The following SENP7 variants were observed in gnomAD, a reference collection of about 807,000 sequenced individuals.
SENP7 encodes the protein sentrin-specific protease 7.
In SENP7, 64 loss-of-function variants were observed where a neutral mutation model predicts 141.2. The ratio of observed to expected loss-of-function variants is 0.45; its 90% CI spans 0.37 to 0.56. SENP7 has a LOEUF of 0.56. Ranked by LOEUF, SENP7 falls within the 20% of genes least tolerant of loss-of-function variation. The pLI is 0.00. For synonymous variants in SENP7, 382 were observed against 426.4 expected, an observed-to-expected ratio of 0.90 and a Z score of 1.28; for missense variants, 1,025 against 1,212.2, an observed-to-expected ratio of 0.85 and a Z score of 2.29.
intron 2 of SENP7, among the ~76,000 whole-genome samples, chr3:101,495,136 G>A (rs2065113172): frequency 6.6e-6 from 1 of 151,946 alleles, no homozygotes. Context: ...AGTTCTTAAA[G>A]GAAGACACAC....
At chr3:101,353,148 C>T (rs549542647) in intron 11 of SENP7, among the ~76,000 whole-genome samples, 7 of 152,026 alleles carry the variant, frequency 4.6e-5, no homozygotes, top group Admixed American at 2.6e-4. Context: ...CATATAACTG[C>T]CACCATATTT....
chr3:101,401,528 C>CAAA (rs60381137), intron 5 of SENP7, among the ~76,000 whole-genome samples: 5 of 130,334 alleles, frequency 3.8e-5, no homozygotes, highest in South Asian at 2.4e-4. Context: ...CACTCCATCT[C>CAAA]AAAAAAAAAA....
chr3:101,471,497 T>G (rs2063993595), intron 3 of SENP7, among the ~76,000 whole-genome samples: 1 of 152,108 alleles, frequency 6.6e-6, no homozygotes, highest in African/African-American at 2.4e-5. Context: ...ATACAAAAAT[T>G]AATTCAAGAC....
At chr3:101,368,697 G>A (rs559821974) in intron 7 of SENP7, among the ~76,000 whole-genome samples, 89 of 152,056 alleles carry the variant, frequency 5.9e-4, no homozygotes, top group East Asian at 2.1e-3. Flanking sequence ...TAACCTGCAC[G>A]TTGTGCACAC....
At chr3:101,467,369 G>C (rs746607275) in intron 3 of SENP7, among the ~76,000 whole-genome samples, 2 of 152,268 alleles carry the variant, frequency 1.3e-5, no homozygotes, top group Non-Finnish European at 2.9e-5. Flanking sequence ...AGAACAGACA[G>C]ACTGCCTCCT....
intron 3 of SENP7, among the ~76,000 whole-genome samples, chr3:101,462,471 G>A (rs1441604886): frequency 6.6e-6 from 1 of 151,784 alleles, no homozygotes; most frequent in Non-Finnish European, 1.5e-5. Context: ...AACCCAGGAG[G>A]TGGAGGCTGG....
chr3:101,392,043 A>G (rs1248248912), intron 6 of SENP7, among the ~76,000 whole-genome samples: 1 of 152,226 alleles, frequency 6.6e-6, no homozygotes, highest in Non-Finnish European at 1.5e-5. Flanking sequence ...AACCCTCAAA[A>G]TAATAGGCAC....
At chr3:101,481,453 G>A (rs1325628860) in intron 3 of SENP7, among the ~76,000 whole-genome samples, 1 of 152,178 alleles carries the variant, frequency 6.6e-6, no homozygotes. Context: ...CATGAAGGTA[G>A]AGGGTAGAAT....
intron 3 of SENP7, among the ~76,000 whole-genome samples, chr3:101,463,376 T>TATATATATATATATAC (rs1559864929): frequency 4.7e-4 from 40 of 85,252 alleles, no homozygotes; most frequent in South Asian, 7.2e-4. Flanking sequence ...TATATATATA[T>TATATATATATATATAC]ATATATATAT....
At chr3:101,447,319 G>A (rs922845195) in intron 4 of SENP7, among the ~76,000 whole-genome samples, 12 of 151,990 alleles carry the variant, frequency 7.9e-5, no homozygotes, top group South Asian at 4.2e-4. Flanking sequence ...GGCATGCACC[G>A]GTGGTCCCAG....
At chr3:101,506,004 A>C (rs1270097054) in intron 1 of SENP7, among the ~76,000 whole-genome samples, 1 of 149,492 alleles carries the variant, frequency 6.7e-6, no homozygotes, top group Non-Finnish European at 1.5e-5. Context: ...CCACTCATTC[A>C]CTTATTTATT....
chr3:101,330,059 G>A (rs1210559043), intron 20 of SENP7, among the ~76,000 whole-genome samples: 3 of 151,654 alleles, frequency 2.0e-5, no homozygotes, highest in African/African-American at 7.3e-5. Context: ...ATAAATAAAA[G>A]TGAATCTGAT....
At chr3:101,479,359 T>C (rs539203335) in intron 3 of SENP7, among the ~76,000 whole-genome samples, 1 of 152,290 alleles carries the variant, frequency 6.6e-6, no homozygotes, top group African/African-American at 2.4e-5. Flanking sequence ...TCACGCCTGC[T>C]GTTCCAGCAC....
At chr3:101,475,492 G>A (rs1559882881) in intron 3 of SENP7, among the ~76,000 whole-genome samples, 2 of 152,194 alleles carry the variant, frequency 1.3e-5, no homozygotes, top group African/African-American at 4.8e-5. Flanking sequence ...TCATAAGTGG[G>A]AGTTGAACAA....
At chr3:101,352,354 A>T (rs976492195) in intron 11 of SENP7, among the ~76,000 whole-genome samples, 1 of 152,056 alleles carries the variant, frequency 6.6e-6, no homozygotes, top group Non-Finnish European at 1.5e-5. Context: ...TAAGTCCCTA[A>T]GCCAGAACAA....
intron 10 of SENP7, among the ~76,000 whole-genome samples, chr3:101,364,524 G>C (rs2107372402): frequency 6.6e-6 from 1 of 152,074 alleles, no homozygotes; most frequent in South Asian, 2.1e-4. Context: ...ATAAATACTA[G>C]AAAATGTGTT....
intron 11 of SENP7, among the ~76,000 whole-genome samples, chr3:101,354,899 C>G (rs1001672609): frequency 9.2e-5 from 14 of 151,984 alleles, no homozygotes; most frequent in Admixed American, 5.9e-4. Context: ...TGTTGTTGAC[C>G]TTTTAACAAT....
rs1374139008 is a variant in SENP7 at position 101,340,078 on chromosome 3, T to C, written c.2357+17A>G. ...AAAATCTGTAAAATATGTAGGATCA[T>C]TTATCATTGTACTTACTTAAGGTAA... On this transcript the variant is annotated intron_variant, in intron 16 of 23. Coordinates refer to ENST00000394095, the MANE Select transcript of SENP7 (RefSeq NM_020654.5). 1 of 1,547,982 alleles carries C rather than the reference T, an allele frequency of 6.5e-7. No individual in the cohort carries two copies. Among genetic ancestry groups the C allele is most frequent in the Non-Finnish European group, 8.7e-7 (1 of 1,155,424 alleles).
At chr3:101,470,460 C>A (rs540620717) in intron 3 of SENP7, among the ~76,000 whole-genome samples, 1 of 152,162 alleles carries the variant, frequency 6.6e-6, no homozygotes, top group East Asian at 1.9e-4. Context: ...AACCTTCATG[C>A]CAAAAACTCT....
Sources: gnomAD v4.1 joint callset for allele counts (sites outside exome capture counted in the v4.1 genomes callset) on GRCh38, gnomAD v4.1.1 for gene constraint, MANE v1.5 for transcripts, NCBI Gene and HGNC (gene_info 2026-07-23, HGNC 2026-07-21) for gene names.